TRIP12: variants seen among roughly 807,000 people sequenced by gnomAD.
The protein encoded by TRIP12 is E3 ubiquitin-protein ligase TRIP12.
In TRIP12, 25 loss-of-function variants were observed where a neutral mutation model predicts 244.2. The ratio of observed to expected loss-of-function variants is 0.10; its 90% CI spans 0.07 to 0.14. The LOEUF is 0.14. Among genes scored for constraint, TRIP12 ranks in the 10% least tolerant of loss-of-function variants. The pLI is 1.00. For synonymous variants in TRIP12, 905 were observed against 873.1 expected (o/e 1.04, Z -0.64); for missense variants, 1,677 against 2,486.4 (o/e 0.67, Z 6.92).
rs1265995713 is a variant in TRIP12, at chr2:229,797,835, C to A, written c.3483-4G>T. ...AATCCAACCTTTAATTTTTTCTCTA[C>A]AAGAAACAAAAAGGAGATATTAAAG... is the stretch of plus-strand genomic sequence containing the variant. On this transcript the variant is annotated splice_region_variant and splice_polypyrimidine_tract_variant and intron_variant, in intron 23 of 41. Transcript: ENST00000675903. The A allele has an allele frequency of 3.1e-6, 5 of 1,608,564 alleles. No individual in the cohort carries two copies. Among genetic ancestry groups the A allele is most frequent in the Admixed American group, 3.4e-5 (2 of 58,636 alleles).
chr2:229,866,446 T>C (rs575888348), intron 2 of TRIP12, among the ~76,000 whole-genome samples: 49 of 152,306 alleles, frequency 3.2e-4, no homozygotes, highest in African/African-American at 1.2e-3. Context: ...CTATTTTCCT[T>C]TTGTTTATCT....
At chr2:229,794,369 C>A (rs959766276) in intron 26 of TRIP12, among the ~76,000 whole-genome samples, 1 of 152,006 alleles carries the variant, frequency 6.6e-6, no homozygotes, top group Non-Finnish European at 1.5e-5. Flanking sequence ...GAGTTTGAGA[C>A]CAGCCTGGGC....
At chr2:229,789,819 G>A (rs2040978160) in intron 30 of TRIP12, 57 bp from the exon 31 acceptor site, 3 of 1,586,026 alleles carry the variant, frequency 1.9e-6, no homozygotes, top group Non-Finnish European at 2.6e-6. Context: ...CTAAGCCAGT[G>A]CAGCCAAGGT....
At chr2:229,880,476 C>T (rs2064602946) in intron 1 of TRIP12, among the ~76,000 whole-genome samples, 1 of 152,210 alleles carries the variant, frequency 6.6e-6, no homozygotes, top group Non-Finnish European at 1.5e-5. Context: ...ACAGGCACTA[C>T]ACCTCAAGTC....
chr2:229,773,374 T>TAA (rs2035153822), intron 38 of TRIP12, among the ~76,000 whole-genome samples: 1 of 152,032 alleles, frequency 6.6e-6, no homozygotes, highest in East Asian at 1.9e-4. Flanking sequence ...GTGCCCAGCC[T>TAA]AATATATATA....
chr2:229,865,208 A>C (rs962086845), intron 2 of TRIP12, among the ~76,000 whole-genome samples: 14 of 151,600 alleles, frequency 9.2e-5, no homozygotes, highest in African/African-American at 3.4e-4. Flanking sequence ...GCTACTCGGG[A>C]AGCTGGGGTG....
intron 33 of TRIP12, 150 bp from the exon 34 acceptor site, chr2:229,786,005 G>A (rs1476728039): frequency 5.1e-6 from 3 of 591,136 alleles, no homozygotes; most frequent in Non-Finnish European, 8.2e-6. Flanking sequence ...AAGGTTAAGA[G>A]GTAGCTGTAT....
chr2:229,896,979 A>G (rs895653559), intron 1 of TRIP12, among the ~76,000 whole-genome samples: 2 of 152,208 alleles, frequency 1.3e-5, no homozygotes, highest in Admixed American at 6.5e-5. Context: ...TCTGGGTAAT[A>G]ACATATCAAT....
At chr2:229,810,453 A>G (rs1010331906) in intron 15 of TRIP12, among the ~76,000 whole-genome samples, 9 of 152,244 alleles carry the variant, frequency 5.9e-5, no homozygotes, top group African/African-American at 2.2e-4. Context: ...ATTCATCAGT[A>G]TAAATACATT....
intron 26 of TRIP12, 136 bp from the exon 27 acceptor site, chr2:229,793,281 T>C (rs1454430558): frequency 1.7e-5 from 14 of 844,850 alleles, no homozygotes; most frequent in Non-Finnish European, 5.1e-6. Flanking sequence ...ACCAGTTCTG[T>C]GAATGGTAAA....
chr2:229,807,719 G>T lies in TRIP12; in HGVS notation c.2485C>A (p.Arg829=), dbSNP rs754616839. Residue 829 remains arginine, a synonymous_variant, in exon 17 of 42, where the codon CGG becomes AGG. Transcript: ENST00000675903. The part of the protein sequence containing the change: ...LWHPYNRIDS[R]IIEAAHQVGE... ...GATGAAACTACTACCTCAATGATCC[G>T]GCTGTCAATCCTGTTATATGGATGC... 4 of 1,614,044 alleles carry T rather than the reference G, an allele frequency of 2.5e-6. No individual in the cohort carries two copies. In the South Asian group the frequency reaches 3.3e-5, roughly 13 times the overall value.
intron 4 of TRIP12, among the ~76,000 whole-genome samples, chr2:229,850,349 C>T (rs965515007): frequency 1.3e-5 from 2 of 152,148 alleles, no homozygotes; most frequent in Non-Finnish European, 2.9e-5. Flanking sequence ...TTTTTCAAAG[C>T]GGTCACATAT....
chr2:229,912,805 A>G (rs980110473), intron 1 of TRIP12, among the ~76,000 whole-genome samples: 2 of 152,208 alleles, frequency 1.3e-5, no homozygotes, highest in Non-Finnish European at 2.9e-5. Flanking sequence ...CTTCTTTTTC[A>G]GCACCCTCTA....
intron 4 of TRIP12, among the ~76,000 whole-genome samples, chr2:229,853,528 C>T (rs1372070871): frequency 6.6e-6 from 1 of 152,028 alleles, no homozygotes; most frequent in Non-Finnish European, 1.5e-5. Context: ...GGTGTGGTGG[C>T]ACCTGTGAAT....
chr2:229,836,670 G>A (rs2054903662), intron 6 of TRIP12, among the ~76,000 whole-genome samples, 178 bp downstream of exon 6: 1 of 152,130 alleles, frequency 6.6e-6, no homozygotes, highest in Non-Finnish European at 1.5e-5. Context: ...GAGCAAATTT[G>A]GATGAGAATT....
At position 229,797,708 on chromosome 2, in the gene TRIP12, G is replaced by T. The variant is rs376104927; in HGVS notation, c.3606C>A (p.Thr1202=). Reference sequence around the variant, plus strand: ...ACAGCACCTGGAGGTTGAGTTGTTCGGTTGCAGCACAAAGTCTCTGAAGGA... The same window carrying T: ...ACAGCACCTGGAGGTTGAGTTGTTCTGTTGCAGCACAAAGTCTCTGAAGGA... ...LNVLQRLCAA[T]EQLNLQVDGG... Residue 1202 remains threonine, a synonymous_variant, in exon 24 of 42, where the codon ACC becomes ACA. Transcript: ENST00000675903. 6.2e-7 allele frequency: 1 copy of T among 1,613,360 alleles called. No individual in the cohort carries two copies. The highest frequency in any genetic ancestry group is 1.1e-5 in the South Asian group (1 of 90,890).
intron 1 of TRIP12, among the ~76,000 whole-genome samples, chr2:229,901,482 G>A (rs2070809466): frequency 6.6e-6 from 1 of 151,658 alleles, no homozygotes; most frequent in Non-Finnish European, 1.5e-5. Flanking sequence ...AATTAGCCAG[G>A]TGTGGTGGCG....
At position 229,794,532 on chromosome 2, in the gene TRIP12, A is replaced by ACATG. The variant is rs1315869220; in HGVS notation, c.3968+646_3968+647insCATG. 2.6e-5 allele frequency among the ~76,000 whole-genome samples: 4 copies of ACATG among 152,172 alleles called. No homozygotes were observed. In the South Asian group the frequency reaches 8.3e-4, roughly 32 times the overall value. On this transcript the variant is annotated intron_variant, in intron 26 of 41. Transcript: ENST00000675903. ...AGTGAGCCATGTTCACACTAGTGTA[A>ACATG]TTTGGCTTGGGCAACAAAGTAAGAC...
At position 229,766,120 on chromosome 2, in the gene TRIP12, A is replaced by G. The variant is rs77995550; in HGVS notation, c.*1434T>C. On this transcript the variant is annotated 3_prime_UTR_variant, in exon 42 of 42. Coordinates refer to ENST00000675903, the MANE Select transcript of TRIP12 (RefSeq NM_001348323.3). ...TCTCAAAGTTCAATTAAAAAAAAAAACTAGCTCATCTCTTATTTTCAAGGA... is the reference window on the plus strand; with the variant it reads ...TCTCAAAGTTCAATTAAAAAAAAAAGCTAGCTCATCTCTTATTTTCAAGGA... 6.6e-6 allele frequency: 1 copy of G among 151,942 alleles called. No homozygotes were observed. Among genetic ancestry groups the G allele is most frequent in the East Asian group, 1.9e-4 (1 of 5,192 alleles). 9.4% of individuals were successfully genotyped at this position (151,942 alleles called of 1,614,324 possible). A position where few individuals can be genotyped will look rare whatever the true frequency, so the allele number is the denominator to read the frequency against.
Sources: gnomAD v4.1 joint callset for allele counts (sites outside exome capture counted in the v4.1 genomes callset) on GRCh38, gnomAD v4.1.1 for gene constraint, MANE v1.5 for transcripts, NCBI Gene and HGNC (gene_info 2026-07-23, HGNC 2026-07-21) for gene names.